Variants in COL6A5 observed in about 807,000 individuals in gnomAD.
The protein encoded by COL6A5 is collagen type VI alpha 5 chain, also known as collagen alpha-5(VI) chain.
COL6A5 carries 48 observed loss-of-function variants against 65.6 expected under a neutral mutation model. That is an observed-to-expected ratio of 0.73 (90% CI 0.58 to 0.93). COL6A5 has a LOEUF of 0.93. Among genes scored for constraint, COL6A5 ranks in the 40% least tolerant of loss-of-function variants. COL6A5 has a pLI of 0.00. For missense variants in COL6A5, 914 were observed against 928.3 expected, an observed-to-expected ratio of 0.98 and a Z score of 0.20; for synonymous variants, 291 against 322.8, an observed-to-expected ratio of 0.90 and a Z score of 1.05.
chr3:130,455,626 A>C, exon 5 of COL6A5: 1 of 1,613,180 alleles, frequency 6.2e-7, no homozygotes, highest in Non-Finnish European at 8.5e-7. Context: ...TCAATTATGA[A>C]AAAGATCAAA....
chr3:130,361,337 G>A (rs1450265563), intron 1 of COL6A5, among the ~76,000 whole-genome samples: 1 of 152,026 alleles, frequency 6.6e-6, no homozygotes, highest in Non-Finnish European at 1.5e-5. Context: ...TAAAAATACA[G>A]TATATAGCCT....
At chr3:130,443,636 C>A in intron 4 of COL6A5, 70 bp downstream of exon 36, 1 of 934,022 alleles carries the variant, frequency 1.1e-6, no homozygotes, top group Non-Finnish European at 1.7e-6. Context: ...TGGTTAATAA[C>A]ACTTTATTAG....
At chr3:130,391,354 C>A in exon 7 of COL6A5, 1 of 1,551,688 alleles carries the variant, frequency 6.4e-7, no homozygotes, top group South Asian at 1.2e-5. Context: ...AACCTAACAT[C>A]CTTTTCTACC....
At chr3:130,437,507 A>C (rs989012342) in intron 1 of COL6A5, among the ~76,000 whole-genome samples, 1 of 151,570 alleles carries the variant, frequency 6.6e-6, no homozygotes, top group Non-Finnish European at 1.5e-5. Context: ...ATCTTATTAA[A>C]CCCCCAGGTT....
At position 130,423,909 on chromosome 3, in the gene COL6A5, A is replaced by G. The variant is rs1937558670; in HGVS notation, c.5163+9A>G. 6.5e-7 allele frequency: 1 copy of G among 1,542,940 alleles called. No homozygotes were observed. Among genetic ancestry groups the G allele is most frequent in the Admixed American group, 2.0e-5 (1 of 50,842 alleles). On this transcript the variant is annotated intron_variant and NMD_transcript_variant, in intron 29 of 41. Transcript: ENST00000312481. ...GCCCTCCTGGACAGAGAGTAAGTGT[A>G]TCCATAAGAACTAAATAGGATATAG...
intron 7 of COL6A5, among the ~76,000 whole-genome samples, chr3:130,480,961 T>C (rs1415444008): frequency 6.6e-6 from 1 of 152,106 alleles, no homozygotes; most frequent in Non-Finnish European, 1.5e-5. Context: ...AGCTTAAGCC[T>C]GATCCTTCAA....
intron 1 of COL6A5, among the ~76,000 whole-genome samples, chr3:130,350,043 G>A (rs1189784286): frequency 6.6e-6 from 1 of 152,192 alleles, no homozygotes; most frequent in East Asian, 1.9e-4. Context: ...TTCCTGCTGG[G>A]TAATCCATCT....
Position 130,419,618 on chromosome 3 carries a change from A to C in COL6A5, c.4950+687A>C, listed in dbSNP as rs7616431. Among the ~76,000 whole-genome samples, 727 of 152,290 alleles carry C rather than the reference A, an allele frequency of 4.8e-3. 8 individuals are homozygous for C. The highest frequency in any genetic ancestry group is 0.016 in the African/African-American group (685 of 41,574). On this transcript the variant is annotated intron_variant and NMD_transcript_variant, in intron 25 of 41. Transcript: ENST00000312481. ...AGAAAATCTGGTCATTTGTGACAAC[A>C]TGGATGGATCCAGAGAACATTATGT...
At chr3:130,454,688 T>G (rs958453211) in intron 4 of COL6A5, among the ~76,000 whole-genome samples, 3 of 152,190 alleles carry the variant, frequency 2.0e-5, no homozygotes, top group African/African-American at 7.2e-5. Context: ...AGACACTATT[T>G]TAAGAGGCAC....
intron 1 of COL6A5, among the ~76,000 whole-genome samples, chr3:130,355,420 A>T (rs1323130112): frequency 6.6e-6 from 1 of 152,176 alleles, no homozygotes; most frequent in Non-Finnish European, 1.5e-5. Context: ...GACTAATTTT[A>T]TCTTTCATAG....
At chr3:130,440,251 T>C (rs755618382) in exon 3 of COL6A5, 2 of 1,613,372 alleles carry the variant, frequency 1.2e-6, no homozygotes, top group South Asian at 1.1e-5. Context: ...TAGACAATTC[T>C]CGGAATATAG....
intron 10 of COL6A5, among the ~76,000 whole-genome samples, chr3:130,399,474 C>T (rs1936732691): frequency 6.6e-6 from 1 of 151,414 alleles, no homozygotes; most frequent in African/African-American, 2.4e-5. Context: ...AGGTTCACAC[C>T]ATTCTCCTGC....
chr3:130,463,579 A>T (rs1709748767), intron 5 of COL6A5, among the ~76,000 whole-genome samples: 1 of 152,064 alleles, frequency 6.6e-6, no homozygotes, highest in South Asian at 2.1e-4. Flanking sequence ...AATTCTGCTG[A>T]ATCCCTAATT....
intron 4 of COL6A5, among the ~76,000 whole-genome samples, chr3:130,445,376 T>C (rs1214158519): frequency 6.6e-6 from 1 of 152,198 alleles, no homozygotes; most frequent in Non-Finnish European, 1.5e-5. Flanking sequence ...TTAATACAAG[T>C]GTTTAAATGA....
intron 22 of COL6A5, 94 bp downstream of exon 22, chr3:130,414,225 G>A (rs898921700): frequency 7.0e-6 from 7 of 998,682 alleles, no homozygotes; most frequent in Non-Finnish European, 1.1e-5. Context: ...AAATAACTGA[G>A]AATCTGCCCC....
chr3:130,431,939 A>AAGC (rs1937834896), exon 1 of COL6A5: 1 of 1,549,422 alleles, frequency 6.5e-7, no homozygotes, highest in African/African-American at 1.4e-5. Context: ...GTTTTCCTTG[A>AAGC]AGCTTTTGGG....
chr3:130,345,901 C>T, exon 1 of COL6A5: 1 of 398,674 alleles, frequency 2.5e-6, no homozygotes. Context: ...TTACTGCGCT[C>T]AGGAGCTCGG....
intron 13 of COL6A5, 26 bp from the exon 14 acceptor site, chr3:130,405,562 G>A (rs897548848): frequency 1.3e-6 from 2 of 1,535,196 alleles, no homozygotes; most frequent in East Asian, 2.4e-5. Context: ...ATCACTTTGG[G>A]TACCTGTCTG....
rs116149835 is a variant in COL6A5 at position 130,408,767 on chromosome 3, A to G, written c.4480-559A>G. Among the ~76,000 whole-genome samples, 870 of 152,210 alleles carry G rather than the reference A, an allele frequency of 5.7e-3. 4 individuals are homozygous for G. The highest frequency in any genetic ancestry group is 0.014 in the Admixed American group (216 of 15,288). On this transcript the variant is annotated intron_variant and NMD_transcript_variant, in intron 17 of 41. Transcript: ENST00000312481. ...TTTGTACTCTTTCCCTTTATTTCTT[A>G]GACTAGTGACACTTAGGGAAAATAG...
Sources: allele counts gnomAD v4.1 joint callset (sites outside exome capture counted in the v4.1 genomes callset), GRCh38; gene constraint gnomAD v4.1.1; transcripts MANE v1.5; gene names NCBI Gene and HGNC (gene_info 2026-07-23, HGNC 2026-07-21).